The following SLC26A4 variants were observed in gnomAD, a reference collection of about 807,000 sequenced individuals.
The protein encoded by SLC26A4 is pendrin.
A neutral mutation model predicts 90.4 loss-of-function variants in SLC26A4; 93 were observed. That is an observed-to-expected ratio of 1.03 (90% confidence interval 0.87 to 1.22). The LOEUF (loss-of-function observed/expected upper bound fraction) is 1.22. Ranked by LOEUF, SLC26A4 falls within the 50% of genes most tolerant of loss-of-function variation. The pLI, the probability that SLC26A4 is intolerant of heterozygous loss-of-function variation, is 0.00. For missense variants in SLC26A4, 1,127 were observed against 946.2 expected, an observed-to-expected ratio of 1.19 and a Z score of -2.51; for synonymous variants, 393 against 354.6, an observed-to-expected ratio of 1.11 and a Z score of -1.22.
At chr7:107,696,865 C>A (rs1333177201) in intron 13 of SLC26A4, among the ~76,000 whole-genome samples, 2 of 152,204 alleles carry the variant, frequency 1.3e-5, no homozygotes, top group African/African-American at 4.8e-5. Flanking sequence ...TTCCAGACTT[C>A]TGGCCCCTGC....
At chr7:107,670,423 A>G (rs1790831763) in intron 3 of SLC26A4, among the ~76,000 whole-genome samples, 2 of 151,874 alleles carry the variant, frequency 1.3e-5, no homozygotes, top group South Asian at 4.2e-4. Context: ...GCTTTTTTTA[A>G]TGCGTACACT....
At chr7:107,682,261 T>C (rs1368658189) in intron 6 of SLC26A4, among the ~76,000 whole-genome samples, 1 of 151,972 alleles carries the variant, frequency 6.6e-6, no homozygotes, top group Non-Finnish European at 1.5e-5. Context: ...TACACCAACA[T>C]GGCACACGTA....
intron 20 of SLC26A4, among the ~76,000 whole-genome samples, chr7:107,714,062 G>A (rs1470362650): frequency 1.3e-5 from 2 of 148,898 alleles, no homozygotes; most frequent in Non-Finnish European, 1.5e-5. Flanking sequence ...GGGATTACAG[G>A]CGCTCGCCAC....
Position 107,701,958 on chromosome 7 carries a change from A to T in SLC26A4, c.1935A>T (p.Pro645=). 1 of 1,613,792 alleles carries T rather than the reference A, an allele frequency of 6.2e-7. No homozygotes were observed. The highest frequency in any genetic ancestry group is 1.7e-5 in the Admixed American group (1 of 60,024). Reference sequence around the variant, plus strand: ...AAGTGGATTGGAACTCTGAGCTTCCAGTCAAAGTGAACGTTCCCAAAGTGC... The same window carrying T: ...AAGTGGATTGGAACTCTGAGCTTCCTGTCAAAGTGAACGTTCCCAAAGTGC... ...EIQVDWNSEL[P]VKVNVPKVPI... The change falls in exon 17 of 21, where the codon CCA becomes CCT. Residue 645 remains proline (P), a synonymous_variant. Transcript: ENST00000644269.
At position 107,716,789 on chromosome 7, in the gene SLC26A4, A is replaced by C. The variant is rs901688745; in HGVS notation, c.*1343A>C. On this transcript the variant is annotated 3_prime_UTR_variant, in exon 21 of 21. Transcript: ENST00000644269. ...ACGACATCATCCCTTGGTATACTCC[A>C]GGGATTGGTTTCAGGACCCCTGCAT... 3.9e-5 allele frequency: 6 copies of C among 152,176 alleles called. No individual in the cohort carries two copies. The highest frequency in any genetic ancestry group is 7.4e-5 in the Non-Finnish European group (5 of 68,026). The allele number at this position is 152,176 out of a possible 1,614,324, so 9.4% of individuals were successfully genotyped here.
intron 10 of SLC26A4, among the ~76,000 whole-genome samples, chr7:107,693,981 G>T (rs1363221808): frequency 6.6e-6 from 1 of 152,162 alleles, no homozygotes; most frequent in African/African-American, 2.4e-5. Context: ...AGAAAAATCA[G>T]CTATGTGCCA....
intron 19 of SLC26A4, among the ~76,000 whole-genome samples, chr7:107,711,759 A>G (rs1562844230): frequency 6.6e-6 from 1 of 152,156 alleles, no homozygotes; most frequent in Admixed American, 6.5e-5. Context: ...TTATTTTACC[A>G]TCACAGGACT....
chr7:107,673,049 G>A (rs958459307), intron 4 of SLC26A4, among the ~76,000 whole-genome samples: 1 of 152,176 alleles, frequency 6.6e-6, no homozygotes. Context: ...ATCAGAAAGA[G>A]GTTTTGATTG....
At chr7:107,687,897 C>T (rs1217062701) in intron 8 of SLC26A4, among the ~76,000 whole-genome samples, 1 of 152,150 alleles carries the variant, frequency 6.6e-6, no homozygotes, top group Non-Finnish European at 1.5e-5. Context: ...GGGTTTCCAA[C>T]ATCCTGTCTG....
chr7:107,703,843 G>A (rs1439122380), intron 17 of SLC26A4, among the ~76,000 whole-genome samples: 1 of 152,132 alleles, frequency 6.6e-6, no homozygotes, highest in Non-Finnish European at 1.5e-5. Context: ...ACATGTAGTT[G>A]TAAGGAATAA....
Position 107,674,214 on chromosome 7 carries a change from G to C in SLC26A4, c.466G>C (p.Ala156Pro), listed in dbSNP as rs759991375. The C allele has an allele frequency of 7.4e-6, 12 of 1,614,036 alleles. No homozygotes were observed. Among genetic ancestry groups the C allele is most frequent in the South Asian group, 1.1e-5 (1 of 91,072 alleles). Residue 156 changes from alanine to proline, a missense_variant, in exon 5 of 21, where the codon GCC (alanine) becomes CCC (proline). Physicochemically the swap from Ala to Pro is conservative, Grantham distance 27 (BLOSUM62 -1). Transcript: ENST00000644269. ...GGTGGGATCTGTTGTTCTGAGCATGGCCCCCGACGAACACTTTCTCGTATC... is the reference window on the plus strand; with the variant it reads ...GGTGGGATCTGTTGTTCTGAGCATGCCCCCCGACGAACACTTTCTCGTATC... ...LMVGSVVLSM[A>P]PDEHFLVSSS...
At chr7:107,709,998 C>T (rs1218414473) in intron 18 of SLC26A4, 56 bp from the exon 19 acceptor site, 6 of 1,508,254 alleles carry the variant, frequency 4.0e-6, no homozygotes, top group Non-Finnish European at 5.5e-6. Flanking sequence ...GTCTCAAAAA[C>T]AAACAAAAAT....
chr7:107,681,209 G>A (rs1470429582), intron 6 of SLC26A4, among the ~76,000 whole-genome samples: 1 of 152,184 alleles, frequency 6.6e-6, no homozygotes, highest in Non-Finnish European at 1.5e-5. Flanking sequence ...AAGAGCAAAA[G>A]TACCCTCTGA....
At chr7:107,693,447 A>T in intron 10 of SLC26A4, 1 of 985,412 alleles carries the variant, frequency 1.0e-6, no homozygotes, top group Non-Finnish European at 1.2e-6. Flanking sequence ...CGTAACTCAG[A>T]CCTTTTGCAC....
At position 107,661,882 on chromosome 7, in the gene SLC26A4, C is replaced by G; in HGVS notation, c.164+77C>G. ...CTTGGGGAGGGAAGGGCGTCCCCAG[C>G]GGGCGAGAGTGGGGTGCGGGCGGCG... On this transcript the variant is annotated intron_variant, in intron 2 of 20. Coordinates refer to ENST00000644269, the MANE Select transcript of SLC26A4 (RefSeq NM_000441.2). This position sits in a 1 kb window ranked among gnomAD's most constrained non-coding sequence, Gnocchi z 5.1. The G allele has an allele frequency of 6.9e-7, 1 of 1,457,644 alleles. No homozygotes were observed. Among genetic ancestry groups the G allele is most frequent in the Non-Finnish European group, 9.2e-7 (1 of 1,091,794 alleles). The allele number at this position is 1,457,644 out of a possible 1,614,324, so 90.3% of individuals were successfully genotyped here.
chr7:107,711,980 C>A (rs1247923283), intron 19 of SLC26A4, among the ~76,000 whole-genome samples: 1 of 152,168 alleles, frequency 6.6e-6, no homozygotes, highest in Non-Finnish European at 1.5e-5. Flanking sequence ...CTTTTCCATG[C>A]AAAACACAAA....
chr7:107,709,445 A>G (rs772664562), intron 18 of SLC26A4, among the ~76,000 whole-genome samples: 1 of 151,992 alleles, frequency 6.6e-6, no homozygotes, highest in Non-Finnish European at 1.5e-5. Flanking sequence ...TAATTTTTGT[A>G]TTTTTTTATA....
Position 107,692,178 on chromosome 7 carries a change from A to G in SLC26A4, c.1263+1941A>G, listed in dbSNP as rs999681602. On this transcript the variant is annotated intron_variant, in intron 10 of 20. Coordinates refer to ENST00000644269, the MANE Select transcript of SLC26A4 (RefSeq NM_000441.2). ...CCTGCCACATACTGGCATGTATTAT[A>G]TTTAGGAATGAAGGATGCCAGGATT... 3.4e-6 allele frequency: 3 copies of G among 872,534 alleles called. No individual in the cohort carries two copies. The Admixed American group carries it at 1.2e-4, about 36-fold the overall frequency. 54.0% of individuals were successfully genotyped at this position (872,534 alleles called of 1,614,324 possible). A position where few individuals can be genotyped will look rare whatever the true frequency, so the allele number is the denominator to read the frequency against.
intron 2 of SLC26A4, chr7:107,662,260 AG>A (rs1790580962): frequency 6.0e-6 from 1 of 165,572 alleles, no homozygotes; most frequent in Non-Finnish European, 1.3e-5. Context: ...GCTAGAACCC[AG>A]GGGAGCGCGG....
Sources: gnomAD v4.1 joint callset for allele counts (sites outside exome capture counted in the v4.1 genomes callset) on GRCh38, gnomAD v4.1.1 for gene constraint, Gnocchi (gnomAD v3.1) non-coding constraint, MANE v1.5 for transcripts, NCBI Gene and HGNC (gene_info 2026-07-23, HGNC 2026-07-21) for gene names.